Variants in AARS1 observed in about 807,000 individuals in gnomAD.
AARS1 encodes the protein alanine--tRNA ligase, cytoplasmic.
A neutral mutation model predicts 108.9 loss-of-function variants in AARS1; 72 were observed. The observed-to-expected ratio is 0.66, with a 90% CI of 0.55 to 0.80. The LOEUF (loss-of-function observed/expected upper bound fraction) is 0.80, where lower values mean the gene tolerates loss of function less well. Ranked by LOEUF, AARS1 falls within the 30% of genes least tolerant of loss-of-function variation. The probability of loss-of-function intolerance (pLI) is 0.00; values close to 1 mark genes in which losing one functional copy is unlikely to be tolerated. For missense variants in AARS1, 1,193 were observed against 1,233.2 expected, an observed-to-expected ratio of 0.97 and a Z score of 0.49; for synonymous variants, 489 against 465.7, an observed-to-expected ratio of 1.05 and a Z score of -0.64.
intron 6 of AARS1, 101 bp from the exon 7 acceptor site, chr16:70,269,864 G>A: frequency 6.7e-7 from 1 of 1,490,782 alleles, no homozygotes; most frequent in Non-Finnish European, 9.3e-7. Context: ...TAGCAGAAAG[G>A]ATGCCGGTCT....
chr16:70,259,506 A>C (rs1002720908), intron 13 of AARS1, among the ~76,000 whole-genome samples: 1 of 152,108 alleles, frequency 6.6e-6, no homozygotes, highest in African/African-American at 2.4e-5. Context: ...TTTTAGAGAC[A>C]GGGTCTTGCT....
chr16:70,261,515 T>G, intron 12 of AARS1: 1 of 271,236 alleles, frequency 3.7e-6, no homozygotes. Flanking sequence ...GGAGAATCGC[T>G]TGAACCCGGA....
intron 11 of AARS1, among the ~76,000 whole-genome samples, chr16:70,262,902 A>G (rs1021544915): frequency 3.1e-5 from 4 of 130,298 alleles, no homozygotes; most frequent in Non-Finnish European, 6.3e-5. Flanking sequence ...CAGGAGGCGG[A>G]GCTTGCAGTG....
At chr16:70,252,958 A>G in intron 20 of AARS1, 52 bp from the exon 21 acceptor site, 2 of 1,575,924 alleles carry the variant, frequency 1.3e-6, no homozygotes, top group Non-Finnish European at 1.7e-6. Flanking sequence ...GGATTGAGGG[A>G]GGAATGCAGG....
intron 2 of AARS1, among the ~76,000 whole-genome samples, chr16:70,279,953 C>T (rs546286114): frequency 3.9e-5 from 6 of 152,098 alleles, no homozygotes; most frequent in Non-Finnish European, 8.8e-5. Context: ...TCCAGTGGCA[C>T]GATCACGGCT....
chr16:70,271,262 C>T (rs1400210159), intron 5 of AARS1, among the ~76,000 whole-genome samples: 2 of 152,010 alleles, frequency 1.3e-5, no homozygotes, highest in Admixed American at 1.3e-4. Flanking sequence ...GGCACGGTGG[C>T]TCACACCTAT....
chr16:70,260,248 T>G (rs1960101099), intron 13 of AARS1, among the ~76,000 whole-genome samples: 1 of 152,174 alleles, frequency 6.6e-6, no homozygotes, highest in African/African-American at 2.4e-5. Context: ...GCCTAGACAA[T>G]GGATCTGATA....
intron 1 of AARS1, among the ~76,000 whole-genome samples, chr16:70,287,466 C>G (rs938299759): frequency 6.7e-6 from 1 of 150,230 alleles, no homozygotes; most frequent in East Asian, 2.0e-4. Context: ...GTCACCCAGG[C>G]TTTACACACA....
chr16:70,263,480 A>G lies in AARS1; in HGVS notation c.1493-956T>C, dbSNP rs150215753. The stretch of plus-strand genomic sequence containing the variant: ...CAGTTAATTGGGAGGCTGAGGCAGG[A>G]GAATCACTTCAAGCTGGGAGGCAGA... On this transcript the variant is annotated intron_variant, in intron 11 of 20. Transcript: ENST00000261772. Among the ~76,000 whole-genome samples, 299 of 151,152 alleles carry G rather than the reference A, an allele frequency of 2.0e-3. 1 individual carries two copies. The highest frequency in any genetic ancestry group is 6.2e-3 in the African/African-American group (255 of 41,236).
chr16:70,268,306 A>G lies in AARS1; in HGVS notation c.1036T>C (p.Phe346Leu), dbSNP rs765790521. 7 of 1,614,226 alleles carry G rather than the reference A, an allele frequency of 4.3e-6. No homozygotes were observed. Among genetic ancestry groups the G allele is most frequent in the Non-Finnish European group, 5.9e-6 (7 of 1,180,038 alleles). The change falls in exon 8 of 21, where the codon TTT becomes CTT. Residue 346 changes from phenylalanine to leucine, a missense_variant. Transcript: ENST00000261772. ...ACGACAACATCCACTAACGTAGCAA[A>G]GAAGCCCCTGCTGGCATTGAGCTTT... is the stretch of plus-strand genomic sequence containing the variant. ...HEKLNASRGF[F>L]ATLVDVVVQS...
intron 9 of AARS1, among the ~76,000 whole-genome samples, chr16:70,267,159 A>ATG (rs1289823527): frequency 2.0e-5 from 3 of 152,182 alleles, no homozygotes; most frequent in African/African-American, 7.2e-5. Flanking sequence ...CTTGATCTGA[A>ATG]TGTGTGTTCA....
intron 15 of AARS1, among the ~76,000 whole-genome samples, chr16:70,256,360 AATGGTGTGATCTT>A (rs1279071588): frequency 6.6e-6 from 1 of 152,090 alleles, no homozygotes; most frequent in African/African-American, 2.4e-5. Flanking sequence ...GCTGGAGTGC[AATGGTGTGATCTT>A]GGCTCACCAC....
intron 14 of AARS1, among the ~76,000 whole-genome samples, 164 bp downstream of exon 14, chr16:70,258,816 A>G (rs1398041380): frequency 1.3e-5 from 2 of 152,170 alleles, no homozygotes; most frequent in African/African-American, 4.8e-5. Flanking sequence ...CGGCCTCCCA[A>G]AGTGCTGGGA....
At chr16:70,258,797 C>T (rs1378045603) in intron 14 of AARS1, among the ~76,000 whole-genome samples, 183 bp downstream of exon 14, 3 of 152,126 alleles carry the variant, frequency 2.0e-5, no homozygotes, top group African/African-American at 2.4e-5. Context: ...CCTCGTGATC[C>T]GCCCGCCTCG....
At chr16:70,274,035 C>CA (rs897390647) in intron 4 of AARS1, among the ~76,000 whole-genome samples, 9 of 150,844 alleles carry the variant, frequency 6.0e-5, no homozygotes, top group Non-Finnish European at 8.9e-5. Context: ...AAAAACGAAA[C>CA]AAAAAAATTC....
In AARS1 at chr16:70,267,898, T is replaced by C. The variant is rs568709795; in HGVS notation, c.1072-89A>G. ...AAAAAAGCTCCTTAGCTGGGTGCAG[T>C]GGCTCACGCCTGTAATCCTACCACT... On this transcript the variant is annotated intron_variant, in intron 8 of 20. Transcript: ENST00000261772. The C allele has an allele frequency of 1.9e-6, 3 of 1,574,018 alleles. No homozygotes were observed. In the African/African-American group the frequency reaches 4.0e-5, roughly 21 times the overall value.
At position 70,252,922 on chromosome 16, in the gene AARS1, G is replaced by A. The variant is rs373540049; in HGVS notation, c.2722-16C>T. On this transcript the variant is annotated splice_polypyrimidine_tract_variant and intron_variant, in intron 20 of 20. Transcript: ENST00000261772. ...TGGCTGCATTCTAGAAGACAGGAAG[G>A]GAAGGGGGAGTCAGCACAGAAGATG... 128 of 1,613,634 alleles carry A rather than the reference G, an allele frequency of 7.9e-5. No homozygotes were observed. The African/African-American group carries it at 1.4e-3, about 18-fold the overall frequency.
At chr16:70,254,108 A>C in intron 17 of AARS1, 70 bp from the exon 18 acceptor site, 1 of 1,601,884 alleles carries the variant, frequency 6.2e-7, no homozygotes, top group Non-Finnish European at 8.5e-7. Context: ...AGCCCACCCC[A>C]CCCGAACCCA....
At chr16:70,285,186 G>A (rs369725635) in intron 1 of AARS1, among the ~76,000 whole-genome samples, 10 of 150,908 alleles carry the variant, frequency 6.6e-5, no homozygotes, top group South Asian at 2.1e-4. Flanking sequence ...CCGAAATTGC[G>A]CCACTGCACT....
Sources: gnomAD v4.1 joint callset for allele counts (sites outside exome capture counted in the v4.1 genomes callset) on GRCh38, gnomAD v4.1.1 for gene constraint, MANE v1.5 for transcripts, NCBI Gene and HGNC (gene_info 2026-07-23, HGNC 2026-07-21) for gene names.